ADORA2B: variants seen among roughly 807,000 people sequenced by gnomAD.
ADORA2B encodes adenosine A2b receptor.
ADORA2B carries 18 observed loss-of-function variants against 20.8 expected under a neutral mutation model. The observed-to-expected ratio is 0.87, with a 90% CI of 0.60 to 1.29. ADORA2B has a LOEUF of 1.29. ADORA2B is among the 50% of genes most tolerant of loss of function. The pLI, the probability that ADORA2B is intolerant of heterozygous loss-of-function variation, is 0.00. For synonymous variants in ADORA2B, 179 were observed against 178.3 expected (o/e 1.00, Z -0.03); for missense variants, 441 against 422.7 (o/e 1.04, Z -0.38).
At chr17:15,863,999 T>G in the ADORA2B span, 3 of 184,666 alleles carry the variant, frequency 1.6e-5, no homozygotes, top group Admixed American at 1.6e-4. Context: ...TTCTTGTGAA[T>G]TTGAGGATTC....
intron 1 of ADORA2B, among the ~76,000 whole-genome samples, chr17:15,972,346 A>G (rs1970199015): frequency 6.6e-6 from 1 of 152,200 alleles, no homozygotes; most frequent in African/African-American, 2.4e-5. Context: ...GGTAATGTCA[A>G]TCAAATTATT....
chr17:15,900,644 C>G, the ADORA2B span, among the ~76,000 whole-genome samples: 1 of 151,804 alleles, frequency 6.6e-6, no homozygotes, highest in Non-Finnish European at 1.5e-5. Flanking sequence ...GTGATGCATT[C>G]TCAACATGTT....
intron 1 of ADORA2B, among the ~76,000 whole-genome samples, chr17:15,970,490 T>A (rs1452791118): frequency 3.3e-5 from 5 of 151,938 alleles, no homozygotes; most frequent in Non-Finnish European, 7.4e-5. Flanking sequence ...AAAATCGCTT[T>A]AAAAAAAAGA....
chr17:15,958,729 T>A (rs1393451253), intron 1 of ADORA2B, among the ~76,000 whole-genome samples: 1 of 152,222 alleles, frequency 6.6e-6, no homozygotes, highest in East Asian at 1.9e-4. Context: ...TCTCTTTGCC[T>A]GCTGATTCTT....
At chr17:15,853,951 A>G in the ADORA2B span, among the ~76,000 whole-genome samples, 2 of 152,040 alleles carry the variant, frequency 1.3e-5, no homozygotes, top group African/African-American at 4.8e-5. Flanking sequence ...ACATTTATTT[A>G]TTTATTTACT....
At chr17:15,908,977 T>C in the ADORA2B span, among the ~76,000 whole-genome samples, 2 of 152,082 alleles carry the variant, frequency 1.3e-5, no homozygotes, top group East Asian at 1.9e-4. Context: ...AAACAGCCTC[T>C]CCAAATTAGT....
intron 1 of ADORA2B, among the ~76,000 whole-genome samples, chr17:15,953,125 C>T (rs932187708): frequency 1.2e-4 from 19 of 152,044 alleles, no homozygotes; most frequent in African/African-American, 4.3e-4. Flanking sequence ...GTGCAGGGTG[C>T]GCAGGAGCAG....
intron 1 of ADORA2B, among the ~76,000 whole-genome samples, chr17:15,948,401 C>CGGGGGGGGGG (rs1969843623): frequency 5.3e-5 from 1 of 18,788 alleles, no homozygotes; most frequent in African/African-American, 6.7e-5. Flanking sequence ...GCCCTGGCGG[C>CGGGGGGGGGG]GGGGGGCTCC....
chr17:15,871,986 C>T, the ADORA2B span, among the ~76,000 whole-genome samples: 6 of 152,100 alleles, frequency 3.9e-5, no homozygotes, highest in South Asian at 8.3e-4. Flanking sequence ...TATGAATGTT[C>T]GCTGAAGACG....
At chr17:15,918,349 C>T in the ADORA2B span, among the ~76,000 whole-genome samples, 1 of 152,200 alleles carries the variant, frequency 6.6e-6, no homozygotes, top group Non-Finnish European at 1.5e-5. Flanking sequence ...TCTTCTGGCC[C>T]CTTAAAAGTC....
At chr17:15,942,973 T>C (rs1969757775), upstream of ADORA2B, among the ~76,000 whole-genome samples, 1 of 152,198 alleles carries the variant, frequency 6.6e-6, no homozygotes, top group Admixed American at 6.5e-5. Context: ...CTTTGCCCTC[T>C]GCCACTCCAA....
At chr17:15,974,612 TG>T (rs1165800679) in intron 1 of ADORA2B, 66 bp from the exon 2 acceptor site, 1 of 1,391,324 alleles carries the variant, frequency 7.2e-7, no homozygotes, top group Non-Finnish European at 9.9e-7. Context: ...AAAGAGGAGG[TG>T]GGGTCTTGGA....
chr17:15,955,697 C>T (rs1969958095), intron 1 of ADORA2B, among the ~76,000 whole-genome samples: 1 of 150,178 alleles, frequency 6.7e-6, no homozygotes, highest in South Asian at 2.1e-4. Context: ...CGTGAGCCAC[C>T]ACACCTGGCC....
intron 1 of ADORA2B, among the ~76,000 whole-genome samples, chr17:15,949,475 TG>T (rs1469096337): frequency 6.6e-6 from 1 of 151,940 alleles, no homozygotes; most frequent in East Asian, 1.9e-4. Flanking sequence ...ATCACACCGC[TG>T]CACTCCAGCC....
At chr17:15,941,171 A>G (rs1969741431), upstream of ADORA2B, among the ~76,000 whole-genome samples, 1 of 152,206 alleles carries the variant, frequency 6.6e-6, no homozygotes, top group Admixed American at 6.5e-5. Context: ...CTAGGGCTCT[A>G]GTCCTAACCT....
intron 1 of ADORA2B, among the ~76,000 whole-genome samples, chr17:15,947,765 CT>C (rs1255011397): frequency 6.6e-6 from 1 of 152,240 alleles, no homozygotes; most frequent in African/African-American, 2.4e-5. Flanking sequence ...TTCATGGCCC[CT>C]TGGGAAGAGG....
the ADORA2B span, among the ~76,000 whole-genome samples, chr17:15,892,534 G>A: frequency 2.6e-5 from 4 of 152,024 alleles, no homozygotes; most frequent in Admixed American, 1.3e-4. Flanking sequence ...CGACTGACTC[G>A]GTCCCCCAAA....
the ADORA2B span, among the ~76,000 whole-genome samples, chr17:15,890,944 A>G: frequency 6.6e-6 from 1 of 152,248 alleles, no homozygotes; most frequent in Admixed American, 6.5e-5. Flanking sequence ...TTTACCAGAT[A>G]GCCTGAGATT....
the ADORA2B span, among the ~76,000 whole-genome samples, chr17:15,923,128 T>G: frequency 6.6e-6 from 1 of 151,230 alleles, no homozygotes; most frequent in African/African-American, 2.4e-5. Context: ...GTTCAAGTGG[T>G]TCTCGTGCCT....
Sources: allele counts gnomAD v4.1 joint callset (sites outside exome capture counted in the v4.1 genomes callset), GRCh38; gene constraint gnomAD v4.1.1; transcripts MANE v1.5; gene names NCBI Gene and HGNC (gene_info 2026-07-23, HGNC 2026-07-21).